NOP53: variants seen among roughly 807,000 people sequenced by gnomAD.
NOP53 encodes the protein NOP53 ribosome biogenesis factor, also known as ribosome biogenesis protein NOP53.
In NOP53, 40 loss-of-function variants were observed where a neutral mutation model predicts 61.0. The ratio of observed to expected loss-of-function variants is 0.66; its 90% CI spans 0.51 to 0.85. The LOEUF (loss-of-function observed/expected upper bound fraction) is 0.85, where lower values mean the gene tolerates loss of function less well. Ranked by LOEUF, NOP53 falls within the 40% of genes least tolerant of loss-of-function variation. NOP53 has a pLI of 0.00. For missense variants in NOP53, 689 were observed against 652.9 expected, an observed-to-expected ratio of 1.06 and a Z score of -0.60; for synonymous variants, 308 against 289.5, an observed-to-expected ratio of 1.06 and a Z score of -0.65.
intron 1 of NOP53, 75 bp downstream of exon 1, chr19:47,745,858 C>G: frequency 3.5e-6 from 1 of 289,032 alleles, no homozygotes; most frequent in African/African-American, 6.2e-5. Flanking sequence ...CTTGCGTGGA[C>G]TCGTCGGGGG....
chr19:47,751,913 C>T (rs541721794), intron 5 of NOP53, among the ~76,000 whole-genome samples: 1 of 151,450 alleles, frequency 6.6e-6, no homozygotes, highest in Admixed American at 6.6e-5. Context: ...ACCAGCCTGA[C>T]CAACGTGGTG....
chr19:47,747,779 C>CTTTT, intron 2 of NOP53, among the ~76,000 whole-genome samples: 1 of 56,866 alleles, frequency 1.8e-5, no homozygotes, highest in Non-Finnish European at 3.1e-5. Context: ...TTCTCTCTCT[C>CTTTT]TTTTTTTTTT....
At chr19:47,748,449 AG>A (rs1967089228) in intron 2 of NOP53, among the ~76,000 whole-genome samples, 1 of 152,276 alleles carries the variant, frequency 6.6e-6, no homozygotes, top group South Asian at 2.1e-4. Flanking sequence ...AAGCAAGCGA[AG>A]GGGTCTGCTT....
At chr19:47,749,622 T>A (rs1967101229) in intron 2 of NOP53, among the ~76,000 whole-genome samples, 2 of 99,824 alleles carry the variant, frequency 2.0e-5, no homozygotes, top group Non-Finnish European at 5.7e-5. Context: ...GGTATCTTTG[T>A]GGGAGGAAAA....
chr19:47,745,992 A>G, intron 1 of NOP53: 1 of 518,110 alleles, frequency 1.9e-6, no homozygotes, highest in South Asian at 3.0e-5. Flanking sequence ...GATTTAGCAG[A>G]TAAATATACA....
At chr19:47,751,498 G>T (rs762612269) in intron 4 of NOP53, 22 bp from the exon 5 acceptor site, 2 of 1,604,108 alleles carry the variant, frequency 1.2e-6, no homozygotes, top group Non-Finnish European at 8.5e-7. Context: ...TGTCCCAGCA[G>T]CTCCCCTCGC....
Position 47,754,858 on chromosome 19 carries a change from G to A in NOP53, c.1020G>A (p.Gln340=). The change falls in exon 8 of 13, where the codon CAG becomes CAA. Residue 340 remains glutamine, a synonymous_variant. Transcript: ENST00000246802. This position sits in a 1 kb window ranked among gnomAD's most constrained non-coding sequence, Gnocchi z 4.2. ...RLATTEKKTE[Q]QRRREKAVHR... ...CCACCACAGAGAAGAAGACGGAGCA[G>A]CAGCGGCGGCGGGAGAAGGCTGTGC... 1.3e-6 allele frequency: 2 copies of A among 1,533,256 alleles called. No individual in the cohort carries two copies. The highest frequency in any genetic ancestry group is 1.2e-5 in the South Asian group (1 of 81,492). 95.0% of individuals were successfully genotyped at this position (1,533,256 alleles called of 1,614,324 possible). A position where few individuals can be genotyped will look rare whatever the true frequency, so the allele number is the denominator to read the frequency against.
Position 47,754,561 on chromosome 19 carries a change from A to T in NOP53, c.800A>T (p.Gln267Leu). The T allele has an allele frequency of 6.4e-7, 1 of 1,552,344 alleles. No homozygotes were observed. The highest frequency in any genetic ancestry group is 8.7e-7 in the Non-Finnish European group (1 of 1,148,796). ...LLSAAHEVEL[Q>L]RQKEAEKLER... ...TCAGCGGCCCACGAGGTGGAGTTGC[A>T]GCGGCAGAAGGAGGCGGAGAAGCTG... The change falls in exon 7 of 13, where the codon CAG becomes CTG. Residue 267 changes from glutamine (Q) to leucine (L), a missense_variant. By Grantham distance (113) the Gln-to-Leu change is moderately radical. Coordinates refer to ENST00000246802, the MANE Select transcript of NOP53 (RefSeq NM_015710.5). This position sits in a 1 kb window ranked among gnomAD's most constrained non-coding sequence, Gnocchi z 4.2.
In NOP53 at chr19:47,754,942, TC is replaced by T; in HGVS notation, c.1053+53del. On this transcript the variant is annotated intron_variant, in intron 8 of 12. Coordinates refer to ENST00000246802, the MANE Select transcript of NOP53 (RefSeq NM_015710.5). The surrounding 1 kb of genome is among the most constrained non-coding windows in gnomAD (Gnocchi z 4.2). ...GCCTCTGATGCCTCGCCCCCTTCCTTCCTTCCTCCCACCATGGGCTGCCCTG... is the reference window on the plus strand; with the variant it reads ...GCCTCTGATGCCTCGCCCCCTTCCTTCTTCCTCCCACCATGGGCTGCCCTG... 4 of 1,443,756 alleles carry T rather than the reference TC, an allele frequency of 2.8e-6. No homozygotes were observed. Among genetic ancestry groups the T allele is most frequent in the Non-Finnish European group, 3.6e-6 (4 of 1,099,872 alleles). 89.4% of individuals were successfully genotyped at this position (1,443,756 alleles called of 1,614,324 possible).
intron 5 of NOP53, 77 bp downstream of exon 5, chr19:47,751,667 G>C: frequency 8.8e-7 from 1 of 1,133,932 alleles, no homozygotes; most frequent in Non-Finnish European, 1.3e-6. Flanking sequence ...TCCTGCAGTA[G>C]AGTCTGTCTC....
rs776458097 is a variant in NOP53 at position 47,754,930 on chromosome 19, C to T, written c.1053+39C>T. ...CCAGCGGGGCCTGCCTCTGATGCCTCGCCCCCTTCCTTCCTTCCTCCCACC... is the reference window on the plus strand; with the variant it reads ...CCAGCGGGGCCTGCCTCTGATGCCTTGCCCCCTTCCTTCCTTCCTCCCACC... On this transcript the variant is annotated intron_variant, in intron 8 of 12. Coordinates refer to ENST00000246802, the MANE Select transcript of NOP53 (RefSeq NM_015710.5). This position sits in a 1 kb window ranked among gnomAD's most constrained non-coding sequence, Gnocchi z 4.2. 1.1e-5 allele frequency: 16 copies of T among 1,464,954 alleles called. 1 individual carries two copies. The highest frequency in any genetic ancestry group is 5.4e-5 in the South Asian group (4 of 74,198). 90.7% of individuals were successfully genotyped at this position (1,464,954 alleles called of 1,614,324 possible).
chr19:47,745,565 G>A lies in NOP53; in HGVS notation c.6G>A (p.Ala2=). M[A]AGGSGVGGKR... Reference sequence around the variant, plus strand: ...TGAGTTCTTCCTTTGACAAGATGGCGGCAGGAGGCAGTGGCGTTGGTGGGA... The same window carrying A: ...TGAGTTCTTCCTTTGACAAGATGGCAGCAGGAGGCAGTGGCGTTGGTGGGA... The change falls in exon 1 of 13, where the codon GCG becomes GCA. Residue 2 remains alanine (A), a synonymous_variant. Transcript: ENST00000246802. 6.2e-7 allele frequency: 1 copy of A among 1,613,496 alleles called. No individual in the cohort carries two copies. The highest frequency in any genetic ancestry group is 1.1e-5 in the South Asian group (1 of 91,056).
chr19:47,752,537 C>T lies in NOP53; in HGVS notation c.695C>T (p.Pro232Leu), dbSNP rs1437830247. Residue 232 changes from proline (P) to leucine (L), a missense_variant, in exon 6 of 13, where the codon CCG (proline) becomes CTG (leucine). Coordinates refer to ENST00000246802, the MANE Select transcript of NOP53 (RefSeq NM_015710.5). ...VKRPARLHTK[P>L]SQAPAVEVAP... The stretch of plus-strand genomic sequence containing the variant: ...CGGCCAGCACGCCTGCACACCAAGC[C>T]GTCCCAGGCACCCGCCGTGGAGGTG... 1.2e-6 allele frequency: 2 copies of T among 1,607,942 alleles called. No individual in the cohort carries two copies. Among genetic ancestry groups the T allele is most frequent in the East Asian group, 2.2e-5 (1 of 44,854 alleles).
At chr19:47,756,001 C>T in intron 10 of NOP53, 179 bp downstream of exon 10, 1 of 601,760 alleles carries the variant, frequency 1.7e-6, no homozygotes, top group Non-Finnish European at 3.0e-6. Flanking sequence ...AGGGGCCAGG[C>T]TAAGGTTTGA....
At chr19:47,756,405 G>C (rs1967198314) in intron 10 of NOP53, 123 bp from the exon 11 acceptor site, 1 of 694,818 alleles carries the variant, frequency 1.4e-6, no homozygotes, top group Non-Finnish European at 2.4e-6. Flanking sequence ...CTGAGTCCCT[G>C]GTGCCCACAG....
chr19:47,752,903 G>A (rs1446132948), intron 6 of NOP53: 5 of 383,646 alleles, frequency 1.3e-5, no homozygotes, highest in African/African-American at 2.0e-5. Flanking sequence ...AGTGGGAGGA[G>A]GGGAGTGGGT....
intron 2 of NOP53, among the ~76,000 whole-genome samples, chr19:47,748,273 A>G (rs938858426): frequency 1.3e-5 from 2 of 151,952 alleles, no homozygotes; most frequent in South Asian, 4.2e-4. Context: ...TGAGCGGGTA[A>G]CACACGTCTT....
rs753859740 is a variant in NOP53, at chr19:47,751,524, C to G, written c.603C>G (p.Pro201=). 6.2e-7 allele frequency: 1 copy of G among 1,613,800 alleles called. No homozygotes were observed. Among genetic ancestry groups the G allele is most frequent in the East Asian group, 2.2e-5 (1 of 44,862 alleles). ...PFYDLWASDN[P]LDRPLVGQDE... is the part of the protein sequence containing the mutation. ...CTCCCCTCGCTGTATCCACAGACCC[C>G]CTGGACAGGCCGTTGGTTGGCCAGG... is the stretch of plus-strand genomic sequence containing the variant. The change falls in exon 5 of 13, where the codon CCC becomes CCG. Residue 201 remains proline, a synonymous_variant. Transcript: ENST00000246802.
rs758279843 is a variant in NOP53, at chr19:47,745,685, A to G, written c.126A>G (p.Arg42=). 6.2e-7 allele frequency: 1 copy of G among 1,613,112 alleles called. No homozygotes were observed. Among genetic ancestry groups the G allele is most frequent in the Non-Finnish European group, 8.5e-7 (1 of 1,179,562 alleles). ...PALRRRRRGP[R]NKKRGWRRLA... ...TGAGGCGGCGGCGGCGAGGCCCAAG[A>G]AATAAGAAGCGGGGCTGGCGGCGGC... is the stretch of plus-strand genomic sequence containing the variant. Residue 42 remains arginine, a synonymous_variant, in exon 1 of 13, where the codon AGA becomes AGG. Transcript: ENST00000246802.
Sources: allele counts gnomAD v4.1 joint callset (sites outside exome capture counted in the v4.1 genomes callset), GRCh38; gene constraint gnomAD v4.1.1; non-coding constraint Gnocchi (gnomAD v3.1); transcripts MANE v1.5; gene names NCBI Gene and HGNC (gene_info 2026-07-23, HGNC 2026-07-21).